The following NXPE2 variants were observed in gnomAD, a reference collection of about 807,000 sequenced individuals.
NXPE2 encodes neurexophilin and PC-esterase domain family member 2.
NXPE2 carries 34 observed loss-of-function variants against 34.4 expected under a neutral mutation model. That is an observed-to-expected ratio of 0.99 (90% CI 0.75 to 1.31). The LOEUF is 1.31. NXPE2 is among the 40% of genes most tolerant of loss of function. NXPE2 has a pLI of 0.00. For synonymous variants in NXPE2, 235 were observed against 231.3 expected, an observed-to-expected ratio of 1.02 and a Z score of -0.15; for missense variants, 649 against 672.5, an observed-to-expected ratio of 0.97 and a Z score of 0.39.
At chr11:114,698,885 T>A in intron 3 of NXPE2, 107 bp downstream of exon 3, 2 of 1,081,670 alleles carry the variant, frequency 1.8e-6, no homozygotes, top group Non-Finnish European at 2.6e-6. Context: ...TTATGTTGAC[T>A]AAATTATAAT....
At chr11:114,669,405 G>C in the NXPE2 span, among the ~76,000 whole-genome samples, 2 of 151,960 alleles carry the variant, frequency 1.3e-5, no homozygotes, top group Non-Finnish European at 2.9e-5. Context: ...CATCTTCCCT[G>C]ACTTGTCAGT....
the NXPE2 span, among the ~76,000 whole-genome samples, chr11:114,567,703 G>C: frequency 6.6e-6 from 1 of 151,876 alleles, no homozygotes; most frequent in Admixed American, 6.6e-5. Flanking sequence ...TAAGGATTCA[G>C]CACAAACTGG....
the NXPE2 span, among the ~76,000 whole-genome samples, chr11:114,661,288 TAATC>T: frequency 6.6e-6 from 1 of 152,158 alleles, no homozygotes; most frequent in Non-Finnish European, 1.5e-5. Context: ...GGAAATAGAA[TAATC>T]AATCGGTTTT....
chr11:114,576,540 A>G, the NXPE2 span, among the ~76,000 whole-genome samples: 1 of 152,144 alleles, frequency 6.6e-6, no homozygotes, highest in Non-Finnish European at 1.5e-5. Context: ...GGCTATAGAC[A>G]TGAATAGACA....
chr11:114,640,185 T>G, the NXPE2 span, among the ~76,000 whole-genome samples: 1 of 134,036 alleles, frequency 7.5e-6, no homozygotes, highest in African/African-American at 2.7e-5. Flanking sequence ...TTATATATTA[T>G]ATATAATTTA....
the NXPE2 span, among the ~76,000 whole-genome samples, chr11:114,771,306 AG>A: frequency 1.7e-4 from 25 of 150,706 alleles, no homozygotes; most frequent in South Asian, 4.1e-3. Flanking sequence ...ATGATCTTTG[AG>A]GGGAGACAAA....
At chr11:114,813,034 C>T in the NXPE2 span, among the ~76,000 whole-genome samples, 1 of 152,104 alleles carries the variant, frequency 6.6e-6, no homozygotes. Context: ...GTCAGGGCCA[C>T]ACTCCCTCAA....
chr11:114,608,260 G>A, the NXPE2 span, among the ~76,000 whole-genome samples: 1 of 150,824 alleles, frequency 6.6e-6, no homozygotes, highest in Non-Finnish European at 1.5e-5. Context: ...TAAAAGTTTT[G>A]CCTTGTGGGT....
At chr11:114,792,134 G>A in the NXPE2 span, among the ~76,000 whole-genome samples, 1 of 152,190 alleles carries the variant, frequency 6.6e-6, no homozygotes, top group African/African-American at 2.4e-5. Flanking sequence ...GGATATAATG[G>A]CTTTGTAAAG....
chr11:114,813,149 T>G, the NXPE2 span, among the ~76,000 whole-genome samples: 10 of 152,340 alleles, frequency 6.6e-5, no homozygotes, highest in African/African-American at 2.4e-4. Context: ...GCAGGAAGAC[T>G]AACTTCACTA....
the NXPE2 span, among the ~76,000 whole-genome samples, chr11:114,502,064 T>C: frequency 6.6e-6 from 1 of 152,164 alleles, no homozygotes; most frequent in Admixed American, 6.5e-5. Flanking sequence ...TTGTAACACG[T>C]TTAGCAGCAT....
At chr11:114,707,210 G>T (rs1951494372), downstream of NXPE2, among the ~76,000 whole-genome samples, 2 of 152,076 alleles carry the variant, frequency 1.3e-5, no homozygotes, top group Admixed American at 6.6e-5. Flanking sequence ...TCCTGCCTCA[G>T]CCTCCCAAGT....
chr11:114,698,915 C>G, intron 3 of NXPE2, 137 bp downstream of exon 3: 1 of 850,956 alleles, frequency 1.2e-6, no homozygotes, highest in South Asian at 1.9e-5. Flanking sequence ...AGAGTCAGTT[C>G]AGCTTGGAGT....
the NXPE2 span, among the ~76,000 whole-genome samples, chr11:114,639,785 A>C: frequency 7.9e-6 from 1 of 126,676 alleles, no homozygotes; most frequent in African/African-American, 3.1e-5. Context: ...TATAAAATAT[A>C]ATATATATTA....
chr11:114,743,986 G>C, the NXPE2 span, among the ~76,000 whole-genome samples: 3 of 150,334 alleles, frequency 2.0e-5, no homozygotes, highest in Non-Finnish European at 4.5e-5. Context: ...GCTAGGAAAA[G>C]GTGTGTTTCT....
the NXPE2 span, among the ~76,000 whole-genome samples, chr11:114,739,092 T>C: frequency 6.6e-6 from 1 of 152,170 alleles, no homozygotes; most frequent in Admixed American, 6.5e-5. Flanking sequence ...AAGTTTAAAG[T>C]GTTTCATAAA....
At chr11:114,773,284 C>G in the NXPE2 span, among the ~76,000 whole-genome samples, 1 of 83,776 alleles carries the variant, frequency 1.2e-5, no homozygotes, top group Non-Finnish European at 2.7e-5. Flanking sequence ...CTCCCACCCC[C>G]CCCCCACCCC....
At chr11:114,695,099 GTGTTTAC>G (rs575163046) in intron 2 of NXPE2, among the ~76,000 whole-genome samples, 1 of 152,078 alleles carries the variant, frequency 6.6e-6, no homozygotes, top group Admixed American at 6.5e-5. Context: ...GAGTTAGACT[GTGTTTAC>G]TGTTTACTGT....
At chr11:114,636,105 C>T in the NXPE2 span, among the ~76,000 whole-genome samples, 21 of 116,028 alleles carry the variant, frequency 1.8e-4, no homozygotes, top group Admixed American at 3.5e-4. Context: ...TGGACTCTTT[C>T]GTTGGTAAGC....
Sources: gnomAD v4.1 joint callset for allele counts (sites outside exome capture counted in the v4.1 genomes callset) on GRCh38, gnomAD v4.1.1 for gene constraint, MANE v1.5 for transcripts, NCBI Gene and HGNC (gene_info 2026-07-23, HGNC 2026-07-21) for gene names.